Variants in CNTN4 observed in about 807,000 individuals in gnomAD.
CNTN4 encodes contactin-4.
CNTN4 carries 77 observed loss-of-function variants against 122.5 expected under a neutral mutation model. The ratio of observed to expected loss-of-function variants is 0.63; its 90% CI spans 0.52 to 0.76. The LOEUF is 0.76. Ranked by LOEUF, CNTN4 falls within the 30% of genes least tolerant of loss-of-function variation. The probability of loss-of-function intolerance (pLI) is 0.00; values close to 1 mark genes in which losing one functional copy is unlikely to be tolerated. For synonymous variants in CNTN4, 512 were observed against 447.0 expected (o/e 1.15, Z -1.83); for missense variants, 1,256 against 1,259.1 (o/e 1.00, Z 0.04).
At chr3:2,142,172 A>G (rs1477660789) in intron 2 of CNTN4, among the ~76,000 whole-genome samples, 2 of 152,164 alleles carry the variant, frequency 1.3e-5, no homozygotes, top group African/African-American at 4.8e-5. Flanking sequence ...AAGGATGTAA[A>G]CAGTGTGGGT....
chr3:2,979,907 C>T (rs1693795814), intron 13 of CNTN4, among the ~76,000 whole-genome samples: 1 of 152,138 alleles, frequency 6.6e-6, no homozygotes, highest in South Asian at 2.1e-4. Flanking sequence ...CTGAACTGCT[C>T]AGAAAAATCA....
In CNTN4 at chr3:2,335,001, C is replaced by T. The variant is rs142153224; in HGVS notation, c.-144-4177C>T. Reference sequence around the variant, plus strand: ...ATCATCCTTTTTGACCTAGACCTTGCCAGCTGCTGCATCTAACTATTTGCT... The same window carrying T: ...ATCATCCTTTTTGACCTAGACCTTGTCAGCTGCTGCATCTAACTATTTGCT... On this transcript the variant is annotated intron_variant, in intron 2 of 24. Transcript: ENST00000418658. Among the ~76,000 whole-genome samples the T allele has an allele frequency of 2.0e-4, 30 of 152,254 alleles. No individual in the cohort carries two copies. The East Asian group carries it at 5.2e-3, about 27-fold the overall frequency.
intron 2 of CNTN4, among the ~76,000 whole-genome samples, chr3:2,112,595 T>C (rs551462518): frequency 7.9e-5 from 12 of 152,318 alleles, no homozygotes; most frequent in African/African-American, 2.9e-4. Context: ...TTCATCTTTG[T>C]ATGTTGGTTT....
At chr3:2,898,980 A>G (rs776721378) in intron 10 of CNTN4, among the ~76,000 whole-genome samples, 7 of 152,232 alleles carry the variant, frequency 4.6e-5, no homozygotes, top group Non-Finnish European at 7.3e-5. Flanking sequence ...GGTGTAGGTT[A>G]TAACCCTTCA....
chr3:2,808,993 C>T (rs567848189), intron 6 of CNTN4, among the ~76,000 whole-genome samples: 1 of 152,352 alleles, frequency 6.6e-6, no homozygotes, highest in East Asian at 1.9e-4. Context: ...CAGTGCTCAA[C>T]AAGTACTAAT....
intron 3 of CNTN4, among the ~76,000 whole-genome samples, chr3:2,494,836 G>A (rs2076412248): frequency 6.6e-6 from 1 of 152,152 alleles, no homozygotes; most frequent in Admixed American, 6.5e-5. Flanking sequence ...GGCCAGTTGT[G>A]CCTGAATTCC....
intron 8 of CNTN4, among the ~76,000 whole-genome samples, chr3:2,876,604 C>T (rs1318831368): frequency 6.6e-6 from 1 of 152,180 alleles, no homozygotes; most frequent in East Asian, 1.9e-4. Context: ...AAACTGGTCT[C>T]CTTCTGCCAA....
At chr3:2,651,909 G>A (rs1405762431) in intron 4 of CNTN4, among the ~76,000 whole-genome samples, 1 of 151,480 alleles carries the variant, frequency 6.6e-6, no homozygotes, top group African/African-American at 2.4e-5. Flanking sequence ...GTTTCACCAT[G>A]TTGGCCAGGC....
At chr3:2,111,660 A>C (rs772206165) in intron 2 of CNTN4, among the ~76,000 whole-genome samples, 8 of 152,102 alleles carry the variant, frequency 5.3e-5, no homozygotes, top group Non-Finnish European at 8.8e-5. Flanking sequence ...ATATATATTA[A>C]AGTTAGTATG....
chr3:3,054,472 C>T (rs1010093799), intron 24 of CNTN4, among the ~76,000 whole-genome samples: 2 of 151,994 alleles, frequency 1.3e-5, no homozygotes, highest in African/African-American at 4.8e-5. Context: ...TCTCTATAGT[C>T]AAGATTATCT....
intron 4 of CNTN4, among the ~76,000 whole-genome samples, chr3:2,633,013 A>G (rs2082510306): frequency 6.7e-6 from 1 of 148,860 alleles, no homozygotes; most frequent in Admixed American, 6.7e-5. Flanking sequence ...TATAATATCT[A>G]TTTATAACAT....
chr3:2,564,306 A>C (rs1326475887), intron 3 of CNTN4, among the ~76,000 whole-genome samples: 1 of 152,178 alleles, frequency 6.6e-6, no homozygotes, highest in Non-Finnish European at 1.5e-5. Flanking sequence ...GTGATTACTT[A>C]GTGAAGGCTG....
chr3:2,959,595 A>C (rs1399277768), intron 13 of CNTN4, among the ~76,000 whole-genome samples: 1 of 152,100 alleles, frequency 6.6e-6, no homozygotes, highest in East Asian at 1.9e-4. Flanking sequence ...CCATTAGATT[A>C]ATATCTAGCC....
At chr3:2,125,330 C>CTA (rs138301374) in intron 2 of CNTN4, among the ~76,000 whole-genome samples, 1 of 143,364 alleles carries the variant, frequency 7.0e-6, no homozygotes, top group Non-Finnish European at 1.5e-5. Flanking sequence ...ATTCTATTCT[C>CTA]TGTGTGTGTG....
At chr3:2,125,391 A>G (rs1015598067) in intron 2 of CNTN4, among the ~76,000 whole-genome samples, 2 of 141,232 alleles carry the variant, frequency 1.4e-5, no homozygotes, top group African/African-American at 5.3e-5. Context: ...TTCTTTATTC[A>G]TTTATTGATA....
chr3:2,260,794 C>T (rs973710601), intron 2 of CNTN4, among the ~76,000 whole-genome samples: 4 of 148,362 alleles, frequency 2.7e-5, no homozygotes, highest in Non-Finnish European at 5.9e-5. Flanking sequence ...GTGGTGTGAT[C>T]TCGGCTCACT....
chr3:2,765,138 C>G (rs1375187035), intron 6 of CNTN4, among the ~76,000 whole-genome samples: 1 of 152,224 alleles, frequency 6.6e-6, no homozygotes, highest in Non-Finnish European at 1.5e-5. Context: ...GTCAACTAAA[C>G]TCCACTTGCA....
intron 4 of CNTN4, among the ~76,000 whole-genome samples, chr3:2,586,646 C>G (rs1489124627): frequency 2.0e-5 from 3 of 152,202 alleles, no homozygotes; most frequent in Non-Finnish European, 4.4e-5. Context: ...ACCATTTGTC[C>G]CCTGTCCCAG....
chr3:2,229,387 G>A (rs1015580192), intron 2 of CNTN4, among the ~76,000 whole-genome samples: 1 of 152,132 alleles, frequency 6.6e-6, no homozygotes, highest in African/African-American at 2.4e-5. Flanking sequence ...GAAGTCCAGT[G>A]TTAAAAGATT....
Sources: allele counts gnomAD v4.1 joint callset (sites outside exome capture counted in the v4.1 genomes callset), GRCh38; gene constraint gnomAD v4.1.1; transcripts MANE v1.5; gene names NCBI Gene and HGNC (gene_info 2026-07-23, HGNC 2026-07-21).